TLL1: variants seen among roughly 807,000 people sequenced by gnomAD.
TLL1 encodes tolloid-like protein 1.
In TLL1, 49 loss-of-function variants were observed where a neutral mutation model predicts 128.2. The ratio of observed to expected loss-of-function variants is 0.38; its 90% CI spans 0.30 to 0.48. The LOEUF is 0.48. TLL1 is among the 20% of genes least tolerant of loss of function. The probability of loss-of-function intolerance (pLI) is 0.96; values close to 1 mark genes in which losing one functional copy is unlikely to be tolerated. For synonymous variants in TLL1, 454 were observed against 418.8 expected (o/e 1.08, Z -1.03); for missense variants, 1,123 against 1,242.0 (o/e 0.90, Z 1.44).
Position 166,103,837 on chromosome 4 carries a change from C to T in TLL1, c.*2961C>T, listed in dbSNP as rs1394807804. The T allele has an allele frequency of 2.8e-5, 1 of 35,664 alleles. No homozygotes were observed. The highest frequency in any genetic ancestry group is 6.4e-5 in the Non-Finnish European group (1 of 15,730). The allele number at this position is 35,664 out of a possible 1,614,324, so 2.2% of individuals were successfully genotyped here. On this transcript the variant is annotated 3_prime_UTR_variant, in exon 21 of 21. Coordinates refer to ENST00000061240, the MANE Select transcript of TLL1 (RefSeq NM_012464.5). Reference sequence around the variant, plus strand: ...TTTGCCAAAGTCCTAACTGACTATACATAGAAAAAAAAAAAAACACTGTTC... The same window carrying T: ...TTTGCCAAAGTCCTAACTGACTATATATAGAAAAAAAAAAAAACACTGTTC...
At chr4:166,003,201 T>TG (rs1169284685) in intron 5 of TLL1, among the ~76,000 whole-genome samples, 190 bp from the exon 6 acceptor site, 2 of 152,218 alleles carry the variant, frequency 1.3e-5, no homozygotes, top group East Asian at 3.8e-4. Flanking sequence ...ACTGATTATT[T>TG]GGAAGCTTTT....
At chr4:166,051,355 C>T (rs528128151) in intron 12 of TLL1, among the ~76,000 whole-genome samples, 7 of 113,448 alleles carry the variant, frequency 6.2e-5, no homozygotes, top group Admixed American at 5.4e-4. Flanking sequence ...CCTTTCTTTT[C>T]TTTGTTTCTT....
At chr4:165,890,092 A>G (rs943090706) in intron 1 of TLL1, among the ~76,000 whole-genome samples, 11 of 152,282 alleles carry the variant, frequency 7.2e-5, no homozygotes, top group African/African-American at 2.6e-4. Flanking sequence ...AGTCCAGAGC[A>G]AAAGGGAGAA....
At chr4:166,089,595 T>C (rs577808524) in intron 18 of TLL1, among the ~76,000 whole-genome samples, 2 of 152,276 alleles carry the variant, frequency 1.3e-5, no homozygotes, top group South Asian at 4.1e-4. Context: ...TAGACTCTAC[T>C]GATGTCTCCT....
intron 1 of TLL1, among the ~76,000 whole-genome samples, chr4:165,925,981 A>G (rs914354282): frequency 4.6e-5 from 7 of 152,200 alleles, no homozygotes; most frequent in African/African-American, 1.7e-4. Context: ...TCTATTGCAC[A>G]CTTAATAGAC....
intron 1 of TLL1, among the ~76,000 whole-genome samples, chr4:165,892,262 G>T (rs1731457657): frequency 6.6e-6 from 1 of 152,196 alleles, no homozygotes; most frequent in African/African-American, 2.4e-5. Context: ...TGAGATTTGG[G>T]TGGGGACACA....
intron 2 of TLL1, among the ~76,000 whole-genome samples, chr4:165,992,219 T>C (rs1216595064): frequency 2.0e-5 from 3 of 152,084 alleles, no homozygotes; most frequent in Non-Finnish European, 4.4e-5. Flanking sequence ...AACATTCGTT[T>C]GGATTCCTGT....
intron 1 of TLL1, among the ~76,000 whole-genome samples, chr4:165,920,654 A>G (rs181327940): frequency 6.6e-6 from 1 of 152,354 alleles, no homozygotes; most frequent in African/African-American, 2.4e-5. Context: ...AAGTGATGAA[A>G]GAATAGAAAA....
intron 15 of TLL1, among the ~76,000 whole-genome samples, chr4:166,064,667 A>T (rs556791301): frequency 6.6e-6 from 1 of 152,236 alleles, no homozygotes; most frequent in South Asian, 2.1e-4. Context: ...TATTTTATTC[A>T]TTATATTGCT....
At chr4:165,962,006 C>T in intron 1 of TLL1, among the ~76,000 whole-genome samples, 1 of 151,994 alleles carries the variant, frequency 6.6e-6, no homozygotes, top group Non-Finnish European at 1.5e-5. Flanking sequence ...AAATGTTCTT[C>T]TTGACATTGG....
At chr4:165,972,664 T>G (rs1445821480) in intron 1 of TLL1, among the ~76,000 whole-genome samples, 1 of 152,190 alleles carries the variant, frequency 6.6e-6, no homozygotes, top group African/African-American at 2.4e-5. Flanking sequence ...AGGGTCAGTG[T>G]TCCTGCATGT....
At chr4:166,039,260 T>C in intron 9 of TLL1, 79 bp from the exon 10 acceptor site, 1 of 945,920 alleles carries the variant, frequency 1.1e-6, no homozygotes, top group Non-Finnish European at 1.7e-6. Context: ...AGACCAGGGT[T>C]CCTTACCTTT....
At chr4:166,022,368 T>C (rs745682427) in intron 8 of TLL1, among the ~76,000 whole-genome samples, 30 of 152,260 alleles carry the variant, frequency 2.0e-4, no homozygotes, top group Admixed American at 3.3e-4. Context: ...GTTTCACCTG[T>C]TGGCCAGGCT....
chr4:166,088,004 A>G (rs915089680), intron 18 of TLL1, among the ~76,000 whole-genome samples: 1 of 152,166 alleles, frequency 6.6e-6, no homozygotes, highest in Admixed American at 6.6e-5. Flanking sequence ...ATAGAAATAT[A>G]ATCATGGAAT....
chr4:165,949,003 G>A (rs1457269412), intron 1 of TLL1, among the ~76,000 whole-genome samples: 2 of 152,202 alleles, frequency 1.3e-5, no homozygotes, highest in East Asian at 1.9e-4. Flanking sequence ...TAATTAAGAT[G>A]TAATCACCTG....
chr4:165,974,623 G>A (rs1185757092), intron 1 of TLL1, among the ~76,000 whole-genome samples: 2 of 152,178 alleles, frequency 1.3e-5, no homozygotes, highest in African/African-American at 4.8e-5. Flanking sequence ...TATCCTTAGA[G>A]TTACTATTTT....
At chr4:166,092,801 G>T (rs1349909255) in intron 19 of TLL1, among the ~76,000 whole-genome samples, 1 of 151,950 alleles carries the variant, frequency 6.6e-6, no homozygotes, top group South Asian at 2.1e-4. Flanking sequence ...GATAACTGAG[G>T]TTCCATTATG....
At chr4:165,999,882 A>C (rs1737070727) in intron 5 of TLL1, among the ~76,000 whole-genome samples, 1 of 152,254 alleles carries the variant, frequency 6.6e-6, no homozygotes, top group Non-Finnish European at 1.5e-5. Flanking sequence ...AGCACATAAA[A>C]AGGCAGAACC....
intron 1 of TLL1, among the ~76,000 whole-genome samples, chr4:165,947,493 A>T (rs1734313060): frequency 6.6e-6 from 1 of 152,120 alleles, no homozygotes; most frequent in Non-Finnish European, 1.5e-5. Flanking sequence ...AAAAGGAGCA[A>T]AGACTTAATG....
Sources: gnomAD v4.1 joint callset for allele counts (sites outside exome capture counted in the v4.1 genomes callset) on GRCh38, gnomAD v4.1.1 for gene constraint, MANE v1.5 for transcripts, NCBI Gene and HGNC (gene_info 2026-07-23, HGNC 2026-07-21) for gene names.